The following CD55 variants were observed in gnomAD, a reference collection of about 807,000 sequenced individuals.
The protein encoded by CD55 is CD55 molecule (Cromer blood group).
CD55 carries 41 observed loss-of-function variants against 45.8 expected under a neutral mutation model. That is an observed-to-expected ratio of 0.90 (90% CI 0.70 to 1.16). The LOEUF is 1.16. Among genes scored for constraint, CD55 ranks in the 50% most tolerant of loss-of-function variants. CD55 has a pLI of 0.00. For missense variants in CD55, 416 were observed against 469.8 expected, an observed-to-expected ratio of 0.89 and a Z score of 1.06; for synonymous variants, 181 against 181.1, an observed-to-expected ratio of 1.00 and a Z score of 0.01.
At chr1:207,334,808 A>G (rs1468424966) in intron 6 of CD55, among the ~76,000 whole-genome samples, 2 of 152,128 alleles carry the variant, frequency 1.3e-5, no homozygotes, top group East Asian at 3.8e-4. Flanking sequence ...TAGAAAACTA[A>G]TAAGGTTGTT....
At position 207,339,294 on chromosome 1, in the gene CD55, C is replaced by T. The variant is rs746475041; in HGVS notation, c.1061-103C>T. 6.0e-5 allele frequency: 46 copies of T among 764,638 alleles called. No homozygotes were observed. The South Asian group carries it at 6.0e-4, about 10-fold the overall frequency. The allele number at this position is 764,638 out of a possible 1,614,324, so 47.4% of individuals were successfully genotyped here. On this transcript the variant is annotated intron_variant, in intron 8 of 9. Transcript: ENST00000367064. The stretch of plus-strand genomic sequence containing the variant: ...CATTTGTGGAAATTTGAGTTGCTTT[C>T]GAGTTTTCTAGTGTAGTTTATTGAT...
At chr1:207,354,417 T>C (rs879389946) in intron 9 of CD55, 15 of 193,884 alleles carry the variant, frequency 7.7e-5, no homozygotes, top group Non-Finnish European at 1.2e-4. Flanking sequence ...TCAAATGAGA[T>C]AATAGGTGGC....
chr1:207,337,478 C>A (rs1423280567), intron 8 of CD55, 69 bp downstream of exon 8: 8 of 858,514 alleles, frequency 9.3e-6, no homozygotes, highest in South Asian at 2.7e-5. Flanking sequence ...TGAACTTGAC[C>A]AAGATTGCAG....
intron 1 of CD55, 21 bp downstream of exon 1, chr1:207,321,886 CG>C (rs1209092090): frequency 2.0e-6 from 3 of 1,492,162 alleles, no homozygotes; most frequent in South Asian, 1.2e-5. Context: ...GCCCGGCGGC[CG>C]GGGAAGCCCC....
chr1:207,336,840 T>C (rs1655198068), intron 7 of CD55, 22 bp downstream of exon 7: 2 of 1,612,848 alleles, frequency 1.2e-6, no homozygotes, highest in Non-Finnish European at 1.7e-6. Flanking sequence ...CCATCAGTTC[T>C]TCAAAAACAC....
At chr1:207,339,447 A>G in intron 9 of CD55, 30 bp downstream of exon 9, 1 of 1,575,340 alleles carries the variant, frequency 6.3e-7, no homozygotes, top group South Asian at 1.1e-5. Context: ...CATTAAAAGA[A>G]ATTGTTTTCA....
At chr1:207,349,325 G>A (rs1165941687) in intron 9 of CD55, among the ~76,000 whole-genome samples, 2 of 151,858 alleles carry the variant, frequency 1.3e-5, no homozygotes, top group Non-Finnish European at 2.9e-5. Flanking sequence ...TACGATTACA[G>A]GTGCACACCA....
intron 5 of CD55, among the ~76,000 whole-genome samples, chr1:207,327,774 C>G (rs868110268): frequency 6.6e-6 from 1 of 152,136 alleles, no homozygotes; most frequent in Non-Finnish European, 1.5e-5. Context: ...TCAACTGACA[C>G]GAAGACAAAT....
At chr1:207,337,128 C>A in intron 7 of CD55, 1 of 607,636 alleles carries the variant, frequency 1.6e-6, no homozygotes, top group Non-Finnish European at 2.9e-6. Context: ...ACCCTATCTA[C>A]AAAGACCCCT....
intron 6 of CD55, among the ~76,000 whole-genome samples, chr1:207,335,186 T>TTAGAAAATTCCACACCTATC (rs1655114842): frequency 1.3e-5 from 1 of 79,634 alleles, no homozygotes; most frequent in South Asian, 3.0e-4. Context: ...ACACTCATAG[T>TTAGAAAATTCCACACCTATC]TAGAAAATTC....
rs534210266 is a variant in CD55 at position 207,328,195 on chromosome 1, C to T, written c.664+1358C>T. 7.9e-5 allele frequency among the ~76,000 whole-genome samples: 12 copies of T among 152,326 alleles called. No individual in the cohort carries two copies. In the South Asian group the frequency reaches 1.9e-3, roughly 24 times the overall value. On this transcript the variant is annotated intron_variant, in intron 5 of 9. Coordinates refer to ENST00000367064, the MANE Select transcript of CD55 (RefSeq NM_000574.5). Reference sequence around the variant, plus strand: ...TGTCTTGAACTCCATGCTGAATATTCTGATGTTCATGTTTTCCTCCTTGAC... The same window carrying T: ...TGTCTTGAACTCCATGCTGAATATTTTGATGTTCATGTTTTCCTCCTTGAC...
chr1:207,339,653 C>G (rs557684986), intron 9 of CD55, among the ~76,000 whole-genome samples: 111 of 152,192 alleles, frequency 7.3e-4, no homozygotes, highest in African/African-American at 2.5e-3. Context: ...CCCACTTCAC[C>G]CACACTCCCT....
chr1:207,353,979 C>T (rs561637764), intron 9 of CD55: 1 of 1,528,138 alleles, frequency 6.5e-7, no homozygotes. Context: ...GTTTTCATAG[C>T]ACATGCATTG....
intron 9 of CD55, chr1:207,340,272 C>A: frequency 3.4e-6 from 1 of 294,214 alleles, no homozygotes; most frequent in East Asian, 6.0e-5. Flanking sequence ...TAGTTCCATT[C>A]ATGTTGCTGC....
chr1:207,337,394 AGTG>A lies in CD55; in HGVS notation c.1047_1049del (p.Ser349_Gly350delinsArg). The A allele has an allele frequency of 6.3e-7, 1 of 1,599,218 alleles. No individual in the cohort carries two copies. The highest frequency in any genetic ancestry group is 1.1e-5 in the South Asian group (1 of 90,768). On this transcript the variant is annotated inframe_deletion, in exon 8 of 10. Transcript: ENST00000367064. ...TCATGAAACAACCCCAAATAAAGGA[AGTG>A]GAACCACTTCAGGTCAGTTGACACT... is the stretch of plus-strand genomic sequence containing the variant.
At chr1:207,330,434 A>T (rs1055280656) in intron 5 of CD55, among the ~76,000 whole-genome samples, 1 of 152,014 alleles carries the variant, frequency 6.6e-6, no homozygotes, top group African/African-American at 2.4e-5. Context: ...TTACAGTATA[A>T]CTAAAAAAAC....
rs147469126 is a variant in CD55 at position 207,360,664 on chromosome 1, G to A, written c.*1054G>A. ...AATTATATTGTACTTTCTCAAGCAT[G>A]TCATATCCTTTCCTATTAGAGTATC... On this transcript the variant is annotated 3_prime_UTR_variant, in exon 10 of 10. Transcript: ENST00000367064. 30 of 152,236 alleles carry A rather than the reference G, an allele frequency of 2.0e-4. No individual in the cohort carries two copies. The highest frequency in any genetic ancestry group is 3.1e-4 in the Non-Finnish European group (21 of 67,994). The allele number at this position is 152,236 out of a possible 1,614,324, so 9.4% of individuals were successfully genotyped here. A position where few individuals can be genotyped will look rare whatever the true frequency, so the allele number is the denominator to read the frequency against.
chr1:207,347,078 A>C (rs1005774300), intron 9 of CD55: 9 of 455,826 alleles, frequency 2.0e-5, no homozygotes, highest in Non-Finnish European at 4.0e-5. Context: ...GTTAAATTCT[A>C]GTGTTCTCTC....
chr1:207,347,956 C>T (rs1655716783), intron 9 of CD55, among the ~76,000 whole-genome samples: 1 of 152,170 alleles, frequency 6.6e-6, no homozygotes, highest in Non-Finnish European at 1.5e-5. Flanking sequence ...TGTATATATA[C>T]CACATTTTCT....
Sources: gnomAD v4.1 joint callset for allele counts (sites outside exome capture counted in the v4.1 genomes callset) on GRCh38, gnomAD v4.1.1 for gene constraint, MANE v1.5 for transcripts, NCBI Gene and HGNC (gene_info 2026-07-23, HGNC 2026-07-21) for gene names.